Variants in PCDHGA1 observed in about 807,000 individuals in gnomAD.
The protein encoded by PCDHGA1 is protocadherin gamma-A1.
In PCDHGA1, 32 loss-of-function variants were observed where a neutral mutation model predicts 58.0. The ratio of observed to expected loss-of-function variants is 0.55; its 90% CI spans 0.42 to 0.74. The LOEUF is 0.74. PCDHGA1 is among the 30% of genes least tolerant of loss of function. The pLI is 0.00. For missense variants in PCDHGA1, 1,205 were observed against 1,182.3 expected (o/e 1.02, Z -0.28); for synonymous variants, 498 against 501.1 (o/e 0.99, Z 0.08).
chr5:141,379,137 C>A (rs1322597414), intron 1 of PCDHGA1: 2 of 152,216 alleles, frequency 1.3e-5, no homozygotes, highest in African/African-American at 2.4e-5. Context: ...AAATGAGAAC[C>A]TCCTTTGTAA....
rs759041753 is a variant in PCDHGA1 at position 141,388,806 on chromosome 5, G to A, written c.2421+55701G>A. 32 of 1,613,842 alleles carry A rather than the reference G, an allele frequency of 2.0e-5. No individual in the cohort carries two copies. Among genetic ancestry groups the A allele is most frequent in the Non-Finnish European group, 2.5e-5 (29 of 1,179,864 alleles). On this transcript the variant is annotated intron_variant, in intron 1 of 3. Coordinates refer to ENST00000517417, the MANE Select transcript of PCDHGA1 (RefSeq NM_018912.3). Reference sequence around the variant, plus strand: ...TACTGTTTTAAATACATTAGATTTTGAAGAAGTCAAAGAATATTCCATAGT... The same window carrying A: ...TACTGTTTTAAATACATTAGATTTTAAAGAAGTCAAAGAATATTCCATAGT...
intron 1 of PCDHGA1, chr5:141,388,888 T>C: frequency 6.2e-7 from 1 of 1,613,774 alleles, no homozygotes; most frequent in Non-Finnish European, 8.5e-7. Flanking sequence ...GAGGTAGAAG[T>C]CATAGATGAA....
chr5:141,331,481 C>T lies in PCDHGA1; in HGVS notation c.797C>T (p.Ala266Val). 1 of 1,614,128 alleles carries T rather than the reference C, an allele frequency of 6.2e-7. No homozygotes were observed. Among genetic ancestry groups the T allele is most frequent in the Non-Finnish European group, 8.5e-7 (1 of 1,180,038 alleles). The change falls in exon 1 of 4, where the codon GCC becomes GTC. Residue 266 changes from alanine (A) to valine (V), a missense_variant. Coordinates refer to ENST00000517417, the MANE Select transcript of PCDHGA1 (RefSeq NM_018912.3). ...GGTACTCAGCTGCTCATGGTAAATG[C>T]CACTGACCCTGATGAGGGAGCCAAT... ...PLGTQLLMVN[A>V]TDPDEGANGE...
In PCDHGA1 at chr5:141,352,325, G is replaced by A. The variant is rs1001145372; in HGVS notation, c.2421+19220G>A. Reference sequence around the variant, plus strand: ...CCAGACGGAACTGCAGTTTTACCTGGTTGTGGCCTTGGCCTTGATCTCAGT... The same window carrying A: ...CCAGACGGAACTGCAGTTTTACCTGATTGTGGCCTTGGCCTTGATCTCAGT... On this transcript the variant is annotated intron_variant, in intron 1 of 3. Transcript: ENST00000517417. The A allele has an allele frequency of 1.2e-6, 2 of 1,614,080 alleles. No individual in the cohort carries two copies.
intron 1 of PCDHGA1, chr5:141,345,464 G>A: frequency 6.2e-7 from 1 of 1,614,106 alleles, no homozygotes; most frequent in Non-Finnish European, 8.5e-7. Flanking sequence ...TGACAGCCCA[G>A]GACCCAGATA....
chr5:141,362,462 C>T (rs928339926), intron 1 of PCDHGA1: 6 of 1,614,032 alleles, frequency 3.7e-6, no homozygotes, highest in Non-Finnish European at 5.1e-6. Flanking sequence ...GAATTGGTTC[C>T]CGCGCAAGAT....
chr5:141,417,851 G>T (rs1196210157), intron 1 of PCDHGA1: 1 of 1,543,508 alleles, frequency 6.5e-7, no homozygotes. Flanking sequence ...GCGAGAACCC[G>T]AGCGAACGAT....
At chr5:141,384,723 G>A (rs1780414266) in intron 1 of PCDHGA1, 1 of 1,614,142 alleles carries the variant, frequency 6.2e-7, no homozygotes, top group Non-Finnish European at 8.5e-7. Flanking sequence ...CATACCTCCT[G>A]CTTAAGGCCA....
In PCDHGA1 at chr5:141,357,450, G is replaced by C. The variant is rs541013509; in HGVS notation, c.2421+24345G>C. ...GCGTGGACGGGGTTCGGGCTTTCCT[G>C]CAGACCTATTCCCACGAGGTCTCCC... is the stretch of plus-strand genomic sequence containing the variant. On this transcript the variant is annotated intron_variant, in intron 1 of 3. Coordinates refer to ENST00000517417, the MANE Select transcript of PCDHGA1 (RefSeq NM_018912.3). The C allele has an allele frequency of 2.5e-6, 4 of 1,614,196 alleles. No homozygotes were observed. In the South Asian group the frequency reaches 4.4e-5, roughly 18 times the overall value.
chr5:141,438,597 T>C (rs1343540280), intron 1 of PCDHGA1, among the ~76,000 whole-genome samples: 20 of 38,918 alleles, frequency 5.1e-4, no homozygotes, highest in African/African-American at 1.6e-3. Flanking sequence ...CATACATATA[T>C]ATATATATAT....
In PCDHGA1 at chr5:141,366,466, G is replaced by C. The variant is rs774389587; in HGVS notation, c.2421+33361G>C. 9 of 1,614,110 alleles carry C rather than the reference G, an allele frequency of 5.6e-6. No individual in the cohort carries two copies. The South Asian group carries it at 9.9e-5, about 18-fold the overall frequency. Reference sequence around the variant, plus strand: ...TCCTGGCCTTCGTCATCGTGCTGCTGGTGCTCAGACTGAGGCGCTGGCACA... The same window carrying C: ...TCCTGGCCTTCGTCATCGTGCTGCTCGTGCTCAGACTGAGGCGCTGGCACA... On this transcript the variant is annotated intron_variant, in intron 1 of 3. Coordinates refer to ENST00000517417, the MANE Select transcript of PCDHGA1 (RefSeq NM_018912.3).
chr5:141,410,090 C>G (rs369832481), intron 1 of PCDHGA1: 3 of 1,612,358 alleles, frequency 1.9e-6, no homozygotes, highest in South Asian at 2.2e-5. Context: ...GCGCACGGCT[C>G]GAGCCTTAGG....
At chr5:141,497,503 C>CTGCTTCCT (rs1042765123) in intron 2 of PCDHGA1, among the ~76,000 whole-genome samples, 57 of 151,054 alleles carry the variant, frequency 3.8e-4, no homozygotes, top group African/African-American at 1.4e-3. Flanking sequence ...TCTCCTCTCT[C>CTGCTTCCT]TGCTTCCTTA....
intron 1 of PCDHGA1, chr5:141,403,406 T>A: frequency 6.2e-7 from 1 of 1,614,058 alleles, no homozygotes; most frequent in South Asian, 1.1e-5. Flanking sequence ...TGGAGCACGT[T>A]ATCCACTTCC....
At chr5:141,501,837 G>C (rs2099811299) in intron 2 of PCDHGA1, among the ~76,000 whole-genome samples, 1 of 152,018 alleles carries the variant, frequency 6.6e-6, no homozygotes, top group Admixed American at 6.5e-5. Flanking sequence ...CCACCTGTTT[G>C]GCCCTCAACC....
chr5:141,418,324 G>A, intron 1 of PCDHGA1: 2 of 1,614,006 alleles, frequency 1.2e-6, no homozygotes, highest in Non-Finnish European at 1.7e-6. Context: ...CAATTCTTGA[G>A]TCTGCAGAAG....
At chr5:141,413,198 C>T in intron 1 of PCDHGA1, 5 of 1,611,416 alleles carry the variant, frequency 3.1e-6, no homozygotes, top group Non-Finnish European at 2.5e-6. Flanking sequence ...AGGAATCGCT[C>T]AAAGGAATCA....
chr5:141,374,727 T>A (rs1169090117), intron 1 of PCDHGA1: 2 of 1,610,538 alleles, frequency 1.2e-6, no homozygotes, highest in Non-Finnish European at 1.7e-6. Flanking sequence ...CTTACTGCCA[T>A]GGATGGCGGC....
chr5:141,494,925 G>T (rs936071950), intron 2 of PCDHGA1, 60 bp downstream of exon 2: 1 of 1,613,316 alleles, frequency 6.2e-7, no homozygotes. Flanking sequence ...GGGATGACGT[G>T]GGAGGAGATG....
Sources: gnomAD v4.1 joint callset for allele counts (sites outside exome capture counted in the v4.1 genomes callset) on GRCh38, gnomAD v4.1.1 for gene constraint, MANE v1.5 for transcripts, NCBI Gene and HGNC (gene_info 2026-07-23, HGNC 2026-07-21) for gene names.